Variants in NWD2 observed in about 807,000 individuals in gnomAD.
NWD2 encodes the protein NACHT and WD repeat domain-containing protein 2.
NWD2 carries 37 observed loss-of-function variants against 132.7 expected under a neutral mutation model. That is an observed-to-expected ratio of 0.28 (90% CI 0.21 to 0.37). The LOEUF is 0.37. Among genes scored for constraint, NWD2 ranks in the 10% least tolerant of loss-of-function variants. NWD2 has a pLI of 1.00. For missense variants in NWD2, 1,592 were observed against 2,122.4 expected (o/e 0.75, Z 4.91); for synonymous variants, 705 against 803.0 (o/e 0.88, Z 2.06).
intron 2 of NWD2, among the ~76,000 whole-genome samples, chr4:37,338,817 GT>G (rs971751273): frequency 6.6e-6 from 1 of 152,056 alleles, no homozygotes; most frequent in African/African-American, 2.4e-5. Flanking sequence ...ATGTGTTTTT[GT>G]TTTTTTCTCC....
chr4:37,386,705 C>G (rs1720570896), intron 3 of NWD2, among the ~76,000 whole-genome samples: 1 of 152,142 alleles, frequency 6.6e-6, no homozygotes, highest in Admixed American at 6.5e-5. Context: ...TTGTCCCCTC[C>G]AAATCTCATG....
At chr4:37,342,414 G>A (rs1719546510) in intron 2 of NWD2, among the ~76,000 whole-genome samples, 1 of 152,082 alleles carries the variant, frequency 6.6e-6, no homozygotes, top group Admixed American at 6.6e-5. Flanking sequence ...AGCCAAATAA[G>A]CCTCTTTTCT....
chr4:37,332,349 A>G (rs75476902), intron 2 of NWD2, among the ~76,000 whole-genome samples: 3,409 of 152,166 alleles, frequency 0.022, 130 homozygotes, highest in African/African-American at 0.078. Flanking sequence ...CAGCTCAGCC[A>G]CAGTAGGATA....
At chr4:37,434,668 C>T (rs1712266678) in intron 5 of NWD2, among the ~76,000 whole-genome samples, 1 of 151,956 alleles carries the variant, frequency 6.6e-6, no homozygotes, top group African/African-American at 2.4e-5. Context: ...GTGCCATATG[C>T]ATCTAAGGTA....
intron 1 of NWD2, among the ~76,000 whole-genome samples, chr4:37,262,080 T>A (rs1717648928): frequency 6.6e-6 from 1 of 152,130 alleles, no homozygotes; most frequent in Non-Finnish European, 1.5e-5. Context: ...CCAACCAGAA[T>A]AAATGCCATC....
At chr4:37,428,496 T>C (rs1483575560) in intron 3 of NWD2, among the ~76,000 whole-genome samples, 2 of 152,252 alleles carry the variant, frequency 1.3e-5, no homozygotes, top group African/African-American at 4.8e-5. Flanking sequence ...TATAAGCTAA[T>C]AGTTTTATTA....
chr4:37,312,941 T>C lies in NWD2; in HGVS notation c.152-12995T>C, dbSNP rs543909883. On this transcript the variant is annotated intron_variant, in intron 1 of 6. Transcript: ENST00000309447. Reference sequence around the variant, plus strand: ...ATGCTGGATTACATTTATTAATTTGTGTATATTGAACCAGCCTTGCATCCC... The same window carrying C: ...ATGCTGGATTACATTTATTAATTTGCGTATATTGAACCAGCCTTGCATCCC... Among the ~76,000 whole-genome samples, 21 of 151,320 alleles carry C rather than the reference T, an allele frequency of 1.4e-4. No individual in the cohort carries two copies. In the East Asian group the frequency reaches 3.5e-3, roughly 25 times the overall value.
At chr4:37,317,832 C>T (rs1262306524) in intron 1 of NWD2, among the ~76,000 whole-genome samples, 1 of 152,144 alleles carries the variant, frequency 6.6e-6, no homozygotes, top group Non-Finnish European at 1.5e-5. Context: ...TTAATGCTGT[C>T]AACATAGTCA....
At chr4:37,339,832 C>T (rs1037168530) in intron 2 of NWD2, among the ~76,000 whole-genome samples, 4 of 152,178 alleles carry the variant, frequency 2.6e-5, no homozygotes, top group Non-Finnish European at 4.4e-5. Context: ...CTCTCACCCT[C>T]CCATCCTCCC....
At chr4:37,356,931 C>T (rs1289540425) in intron 3 of NWD2, among the ~76,000 whole-genome samples, 1 of 152,166 alleles carries the variant, frequency 6.6e-6, no homozygotes, top group Non-Finnish European at 1.5e-5. Flanking sequence ...GTCTCATCTG[C>T]CAGTAGCAAA....
At chr4:37,434,071 C>A (rs187494523) in intron 5 of NWD2, 51 bp downstream of exon 5, 323 of 1,218,620 alleles carry the variant, frequency 2.7e-4, no homozygotes, top group Non-Finnish European at 2.1e-4. Flanking sequence ...TTAATAGGTA[C>A]ATCTACTGCT....
intron 3 of NWD2, among the ~76,000 whole-genome samples, chr4:37,427,163 G>A (rs1210098152): frequency 6.6e-6 from 1 of 151,794 alleles, no homozygotes. Context: ...AACTCCATCT[G>A]TATACTTTCT....
intron 3 of NWD2, among the ~76,000 whole-genome samples, chr4:37,399,170 T>C (rs1451209467): frequency 1.1e-4 from 17 of 152,208 alleles, no homozygotes; most frequent in Admixed American, 9.2e-4. Context: ...TCAATGCTTA[T>C]GGCTTTGTAA....
intron 1 of NWD2, among the ~76,000 whole-genome samples, chr4:37,308,641 G>A (rs1718764936): frequency 6.6e-6 from 1 of 152,168 alleles, no homozygotes; most frequent in Non-Finnish European, 1.5e-5. Flanking sequence ...GGGCAGCAGG[G>A]TAGTTCTTAG....
At chr4:37,290,592 C>T (rs9986110) in intron 1 of NWD2, among the ~76,000 whole-genome samples, 3,359 of 152,158 alleles carry the variant, frequency 0.022, 125 homozygotes, top group African/African-American at 0.077. Context: ...AGTAGGAGCA[C>T]GCATTGGTTA....
At chr4:37,396,433 C>T (rs1407882877) in intron 3 of NWD2, among the ~76,000 whole-genome samples, 1 of 152,196 alleles carries the variant, frequency 6.6e-6, no homozygotes, top group Admixed American at 6.5e-5. Flanking sequence ...TCTCTGGAAG[C>T]ACAGGCTACC....
intron 3 of NWD2, among the ~76,000 whole-genome samples, chr4:37,427,865 T>C (rs76256379): frequency 0.015 from 2,274 of 152,202 alleles, 58 homozygotes; most frequent in African/African-American, 0.052. Flanking sequence ...AGTACCTGCT[T>C]AAGGAATATA....
intron 1 of NWD2, among the ~76,000 whole-genome samples, chr4:37,300,734 A>G (rs1718597501): frequency 6.6e-6 from 1 of 152,106 alleles, no homozygotes; most frequent in Admixed American, 6.6e-5. Context: ...AGAAATTTTA[A>G]TAAGTACACC....
chr4:37,267,972 C>G (rs1717791243), intron 1 of NWD2, among the ~76,000 whole-genome samples: 1 of 151,888 alleles, frequency 6.6e-6, no homozygotes, highest in South Asian at 2.1e-4. Flanking sequence ...TTTTCTCATG[C>G]TGGTATTACT....
Sources: gnomAD v4.1 joint callset for allele counts (sites outside exome capture counted in the v4.1 genomes callset) on GRCh38, gnomAD v4.1.1 for gene constraint, MANE v1.5 for transcripts, NCBI Gene and HGNC (gene_info 2026-07-23, HGNC 2026-07-21) for gene names.